The following ACIN1 variants were observed in gnomAD, a reference collection of about 807,000 sequenced individuals.
ACIN1 encodes the protein apoptotic chromatin condensation inducer in the nucleus.
In ACIN1, 16 loss-of-function variants were observed where a neutral mutation model predicts 146.6. The observed-to-expected ratio is 0.11, with a 90% CI of 0.07 to 0.17. The LOEUF is 0.17. ACIN1 is among the 10% of genes least tolerant of loss of function. The pLI is 1.00. For missense variants in ACIN1, 1,357 were observed against 1,609.3 expected, an observed-to-expected ratio of 0.84 and a Z score of 2.68; for synonymous variants, 569 against 582.7, an observed-to-expected ratio of 0.98 and a Z score of 0.34.
chr14:23,080,067 G>A lies in ACIN1; in HGVS notation c.1268C>T (p.Ser423Leu), dbSNP rs751874040. 2.5e-6 allele frequency: 4 copies of A among 1,614,152 alleles called. No homozygotes were observed. In the South Asian group the frequency reaches 4.4e-5, roughly 18 times the overall value. The stretch of plus-strand genomic sequence containing the variant: ...TTCTGCTTTGGTGTCTGAAGGACTT[G>A]ACAAAGGAGACAGGCCTCCTACCAA... Reference protein sequence around the residue: ...VQLVGGLSPLSSPSDTKAESP... With the variant: ...VQLVGGLSPLLSPSDTKAESP... The change falls in exon 6 of 19, where the codon TCA (serine) becomes TTA (leucine). Residue 423 changes from serine (S) to leucine (L), a missense_variant. Coordinates refer to ENST00000605057, the MANE Select transcript of ACIN1 (RefSeq NM_001386863.1).
intron 4 of ACIN1, among the ~76,000 whole-genome samples, chr14:23,086,374 G>A (rs1181588242): frequency 1.3e-5 from 2 of 152,046 alleles, no homozygotes; most frequent in Admixed American, 6.5e-5. Flanking sequence ...AATTAAGGAC[G>A]GTAAGAATTT....
At position 23,067,241 on chromosome 14, in the gene ACIN1, TA is replaced by T; in HGVS notation, c.2266-1234del. On this transcript the variant is annotated intron_variant, in intron 9 of 18. Transcript: ENST00000605057. This position sits in a 1 kb window ranked among gnomAD's most constrained non-coding sequence, Gnocchi z 4.6. ...TATAGAAAAAAATAAAATAAAATAT[TA>T]AAAAAAGAAGAAGAAAATAAAGAAG... The T allele has an allele frequency of 9.0e-6, 8 of 885,640 alleles. No homozygotes were observed. The highest frequency in any genetic ancestry group is 1.8e-5 in the African/African-American group (1 of 54,878). The allele number at this position is 885,640 out of a possible 1,614,324, so 54.9% of individuals were successfully genotyped here. A position where few individuals can be genotyped will look rare whatever the true frequency, so the allele number is the denominator to read the frequency against.
chr14:23,060,356 G>C (rs953132740), intron 18 of ACIN1, among the ~76,000 whole-genome samples: 1 of 152,118 alleles, frequency 6.6e-6, no homozygotes, highest in African/African-American at 2.4e-5. Context: ...TACCGTCAGC[G>C]TAGATGTGAA....
chr14:23,084,479 G>A (rs552637475), intron 4 of ACIN1, among the ~76,000 whole-genome samples: 9 of 151,972 alleles, frequency 5.9e-5, no homozygotes, highest in South Asian at 2.1e-4. Context: ...GCGTGGTGGC[G>A]TACGCCTGCA....
At position 23,065,995 on chromosome 14, in the gene ACIN1, T is replaced by A. The variant is rs761524060; in HGVS notation, c.2279A>T (p.Lys760Ile). Residue 760 changes from lysine (K) to isoleucine (I), a missense_variant, in exon 10 of 19, where the codon AAA (lysine) becomes ATA (isoleucine). By Grantham distance (102) the Lys-to-Ile change is moderately radical (BLOSUM62 -3). Around this residue, in one of 4 missense-constraint regions of ACIN1, gnomAD observed 509 missense variants for 719.6 expected, o/e 0.71. Transcript: ENST00000605057. The part of the protein sequence containing the change: ...DEEKKESSLP[K>I]SFKRKISVVS... The stretch of plus-strand genomic sequence containing the variant: ...AACGGAGATCTTCCTCTTGAATGAT[T>A]TGGGCAGCGAGCTCTGTATGAAGAA... The A allele has an allele frequency of 6.2e-7, 1 of 1,613,460 alleles. No homozygotes were observed. The highest frequency in any genetic ancestry group is 8.5e-7 in the Non-Finnish European group (1 of 1,179,820).
At position 23,079,605 on chromosome 14, in the gene ACIN1, G is replaced by A. The variant is rs1168557631; in HGVS notation, c.1730C>T (p.Ser577Leu). 1.2e-6 allele frequency: 2 copies of A among 1,614,168 alleles called. No homozygotes were observed. Among genetic ancestry groups the A allele is most frequent in the Non-Finnish European group, 1.7e-6 (2 of 1,180,018 alleles). Residue 577 changes from serine (S) to leucine (L), a missense_variant, in exon 6 of 19, where the codon TCA becomes TTA. Physicochemically the swap from Ser to Leu is moderately radical, Grantham distance 145. Transcript: ENST00000605057. ...TGAACGTGACCTTGATCTGGACTCT[G>A]ATGTTGATCTGGAGCCCATCTTGGG... ...GRPKMGSRSTSESRSRSRSRS... is the reference protein window; with the variant it reads ...GRPKMGSRSTLESRSRSRSRS...
At chr14:23,082,437 ATTTT>A (rs11378976) in intron 4 of ACIN1, among the ~76,000 whole-genome samples, 2 of 95,816 alleles carry the variant, frequency 2.1e-5, no homozygotes, top group Non-Finnish European at 4.0e-5. Flanking sequence ...AGAGCTCAAT[ATTTT>A]TTTTTTTTTT....
intron 8 of ACIN1, among the ~76,000 whole-genome samples, chr14:23,073,719 G>T (rs912578646): frequency 6.6e-6 from 1 of 152,038 alleles, no homozygotes; most frequent in Non-Finnish European, 1.5e-5. Flanking sequence ...CACAGAAAAT[G>T]TTACCTTCAG....
Position 23,061,311 on chromosome 14 carries a change from CTTCTT to C in ACIN1, c.3406_3410del (p.Lys1136GlufsTer2). On this transcript the variant is annotated frameshift_variant, in exon 17 of 19. Coordinates refer to ENST00000605057, the MANE Select transcript of ACIN1 (RefSeq NM_001386863.1). LOFTEE classifies it high-confidence loss of function. ...CTAAGTACCTACCTTTCTTCTCACT[CTTCTT>C]TTCTTTAGACTTCGCACGTTCCTTG... is the stretch of plus-strand genomic sequence containing the variant. 1 of 1,613,938 alleles carries C rather than the reference CTTCTT, an allele frequency of 6.2e-7. No individual in the cohort carries two copies. Among genetic ancestry groups the C allele is most frequent in the Non-Finnish European group, 8.5e-7 (1 of 1,179,874 alleles).
chr14:23,089,418 A>G (rs551218403), intron 4 of ACIN1, among the ~76,000 whole-genome samples: 3 of 152,254 alleles, frequency 2.0e-5, no homozygotes, highest in Admixed American at 2.0e-4. Context: ...AATCCCATAT[A>G]CTAGGTTAGA....
rs768526574 is a variant in ACIN1, at chr14:23,062,409, C to T, written c.2991+7G>A. On this transcript the variant is annotated splice_region_variant and intron_variant, in intron 15 of 18. Coordinates refer to ENST00000605057, the MANE Select transcript of ACIN1 (RefSeq NM_001386863.1). ...CATGACCTATAGAATCAGCTTCTTC[C>T]CCTCACCGTTACAAAGCAATGAGAT... The T allele has an allele frequency of 3.7e-6, 6 of 1,613,720 alleles. No homozygotes were observed. Among genetic ancestry groups the T allele is most frequent in the Non-Finnish European group, 5.1e-6 (6 of 1,179,598 alleles).
At chr14:23,070,412 T>C (rs926131692) in intron 8 of ACIN1, among the ~76,000 whole-genome samples, 5 of 152,016 alleles carry the variant, frequency 3.3e-5, no homozygotes, top group Non-Finnish European at 5.9e-5. Context: ...CACTCCCTCA[T>C]TCCAACTTCC....
At chr14:23,090,488 G>A (rs1439680523) in intron 3 of ACIN1, 34 bp downstream of exon 3, 7 of 1,582,108 alleles carry the variant, frequency 4.4e-6, no homozygotes, top group South Asian at 2.2e-5. Context: ...TAAGAATGAC[G>A]AACTCCTTGT....
rs552160156 is a variant in ACIN1 at position 23,059,804 on chromosome 14, C to T, written c.3526-330G>A. Among the ~76,000 whole-genome samples the T allele has an allele frequency of 5.9e-5, 9 of 151,970 alleles. No individual in the cohort carries two copies. In the South Asian group the frequency reaches 1.7e-3, roughly 28 times the overall value. On this transcript the variant is annotated intron_variant, in intron 18 of 18. Transcript: ENST00000605057. Reference sequence around the variant, plus strand: ...GAGCAGCTGGGACCACAGGCGCCCGCGACCACGCCCGGCTAATTTTTTTGT... The same window carrying T: ...GAGCAGCTGGGACCACAGGCGCCCGTGACCACGCCCGGCTAATTTTTTTGT...
chr14:23,069,648 G>GGGGGGGC, intron 8 of ACIN1, 31 bp from the exon 9 acceptor site: 12 of 589,330 alleles, frequency 2.0e-5, no homozygotes, highest in East Asian at 8.0e-5. Context: ...TGGTGGGGGG[G>GGGGGGGC]CGGGCAGAAA....
chr14:23,061,077 C>A lies in ACIN1; in HGVS notation c.3525+7G>T. The A allele has an allele frequency of 1.9e-6, 3 of 1,613,498 alleles. No homozygotes were observed. The highest frequency in any genetic ancestry group is 1.3e-5 in the African/African-American group (1 of 75,038). On this transcript the variant is annotated splice_region_variant and intron_variant, in intron 18 of 18. Coordinates refer to ENST00000605057, the MANE Select transcript of ACIN1 (RefSeq NM_001386863.1). Reference sequence around the variant, plus strand: ...CTAGGGAGCAGGGCACGAAGAAGAGCACTCACCTGGCTGTCAGTCAGTGGG... The same window carrying A: ...CTAGGGAGCAGGGCACGAAGAAGAGAACTCACCTGGCTGTCAGTCAGTGGG...
chr14:23,068,015 G>A lies in ACIN1; in HGVS notation c.2265+1461C>T, dbSNP rs1305647611. The A allele has an allele frequency of 1.0e-6, 1 of 985,762 alleles. No individual in the cohort carries two copies. The highest frequency in any genetic ancestry group is 1.2e-6 in the Non-Finnish European group (1 of 829,960). 61.1% of individuals were successfully genotyped at this position (985,762 alleles called of 1,614,324 possible). A position where few individuals can be genotyped will look rare whatever the true frequency, so the allele number is the denominator to read the frequency against. On this transcript the variant is annotated intron_variant, in intron 9 of 18. Transcript: ENST00000605057. The surrounding 1 kb of genome is among the most constrained non-coding windows in gnomAD (Gnocchi z 4.3). ...GGATGAAATGAGTCCCTGCCTCCAG[G>A]GATGGAGGAGAAGTTGGAGCAACCA...
At chr14:23,063,243 A>G in intron 13 of ACIN1, 169 bp from the exon 14 acceptor site, 1 of 1,094,316 alleles carries the variant, frequency 9.1e-7, no homozygotes, top group South Asian at 1.6e-5. Context: ...TAACCTCCTC[A>G]TCATGGAGAT....
chr14:23,071,357 G>A (rs2047643764), intron 8 of ACIN1: 14 of 1,527,546 alleles, frequency 9.2e-6, no homozygotes, highest in African/African-American at 2.8e-5. Context: ...GTAAATGGAA[G>A]GGGAGGTGGT....
Sources: gnomAD v4.1 joint callset for allele counts (sites outside exome capture counted in the v4.1 genomes callset) on GRCh38, gnomAD v4.1.1 for gene constraint, gnomAD v4.1.1 regional missense constraint, Gnocchi (gnomAD v3.1) non-coding constraint, MANE v1.5 for transcripts, NCBI Gene and HGNC (gene_info 2026-07-23, HGNC 2026-07-21) for gene names.